Variants in JADE2 observed in about 807,000 individuals in gnomAD.
JADE2 encodes the protein E3 ubiquitin-protein ligase Jade-2.
A neutral mutation model predicts 85.7 loss-of-function variants in JADE2; 13 were observed. The ratio of observed to expected loss-of-function variants is 0.15; its 90% CI spans 0.10 to 0.24. The LOEUF (loss-of-function observed/expected upper bound fraction) is 0.24. JADE2 is among the 10% of genes least tolerant of loss of function. The pLI, the probability that JADE2 is intolerant of heterozygous loss-of-function variation, is 1.00. For missense variants in JADE2, 846 were observed against 1,115.9 expected, an observed-to-expected ratio of 0.76 and a Z score of 3.45; for synonymous variants, 440 against 456.1, an observed-to-expected ratio of 0.96 and a Z score of 0.45.
In JADE2 at chr5:134,525,994, G is replaced by A. The variant is rs1020415576; in HGVS notation, c.-18G>A. 2.8e-5 allele frequency: 28 copies of A among 985,480 alleles called. No homozygotes were observed. In the African/African-American group the frequency reaches 4.4e-4, roughly 15 times the overall value. The allele number at this position is 985,480 out of a possible 1,614,324, so 61.0% of individuals were successfully genotyped here. A position where few individuals can be genotyped will look rare whatever the true frequency, so the allele number is the denominator to read the frequency against. On this transcript the variant is annotated 5_prime_UTR_variant, in exon 1 of 12. Coordinates refer to ENST00000681547, the MANE Select transcript of JADE2 (RefSeq NM_001388185.1). ...GTAGCCGAGGGCAGCGCCCGTCAGG[G>A]GGGCACCGCGGAGCAAGGTAAGATC...
At chr5:134,524,757 T>G (rs1760703658), upstream of JADE2, among the ~76,000 whole-genome samples, 2 of 152,044 alleles carry the variant, frequency 1.3e-5, no homozygotes, top group Admixed American at 1.3e-4. Context: ...GGACCGCCCC[T>G]CTTTTCTTGA....
chr5:134,575,566 T>G (rs1764308798), intron 10 of JADE2: 1 of 152,082 alleles, frequency 6.6e-6, no homozygotes, highest in African/African-American at 2.4e-5. Context: ...GTGGGGAGCC[T>G]CAGGAGCCTG....
At chr5:134,577,006 T>C in intron 11 of JADE2, 110 bp downstream of exon 11, 2 of 1,305,904 alleles carry the variant, frequency 1.5e-6, no homozygotes, top group South Asian at 1.6e-5. Flanking sequence ...AGACTGAGGC[T>C]CAAGAGCGGT....
rs771406400 is a variant in JADE2 at position 134,552,005 on chromosome 5, GC to G, written c.154-44del. ...CTTCCTCTGGCCTGTGGGGCAGACT[GC>G]CCTGAGGCAGTCTGAAGTCACTCTT... On this transcript the variant is annotated intron_variant, in intron 3 of 11. Coordinates refer to ENST00000681547, the MANE Select transcript of JADE2 (RefSeq NM_001388185.1). 1.2e-3 allele frequency: 1,975 copies of G among 1,605,006 alleles called. 17 individuals carry two copies. In the African/African-American group the frequency reaches 0.02, roughly 16 times the overall value.
chr5:134,542,090 G>C (rs1761997636), intron 3 of JADE2, among the ~76,000 whole-genome samples: 1 of 152,258 alleles, frequency 6.6e-6, no homozygotes, highest in African/African-American at 2.4e-5. Context: ...AAAGCCTGAA[G>C]TCTGCCCTGG....
intron 3 of JADE2, among the ~76,000 whole-genome samples, chr5:134,543,283 G>A (rs1762088242): frequency 6.6e-6 from 1 of 151,220 alleles, no homozygotes; most frequent in Non-Finnish European, 1.5e-5. Context: ...GCCCACCTCG[G>A]CCTCCCAAAG....
upstream of JADE2, among the ~76,000 whole-genome samples, chr5:134,524,083 T>A (rs1024638068): frequency 6.6e-6 from 1 of 152,156 alleles, no homozygotes. Flanking sequence ...CAGCCGACCA[T>A]GAGGGGGAAG....
chr5:134,544,856 T>C (rs1762198048), intron 3 of JADE2, among the ~76,000 whole-genome samples: 1 of 152,020 alleles, frequency 6.6e-6, no homozygotes, highest in Non-Finnish European at 1.5e-5. Flanking sequence ...GCTTCTTAGC[T>C]CAACCCATGC....
At chr5:134,557,230 T>TA (rs796571698) in intron 4 of JADE2, among the ~76,000 whole-genome samples, 40 of 149,550 alleles carry the variant, frequency 2.7e-4, no homozygotes, top group Non-Finnish European at 5.2e-4. Context: ...TGATTATTAT[T>TA]TTTTTTGTTG....
intron 11 of JADE2, 137 bp downstream of exon 11, chr5:134,577,033 G>C (rs1764412218): frequency 1.1e-5 from 11 of 1,017,630 alleles, no homozygotes; most frequent in Non-Finnish European, 1.5e-5. Context: ...GCCCTTGCTT[G>C]CCCAGGTGCA....
chr5:134,553,050 G>T (rs192850751), intron 4 of JADE2, among the ~76,000 whole-genome samples: 1 of 133,002 alleles, frequency 7.5e-6, no homozygotes. Flanking sequence ...CTGGAGTGCA[G>T]TGGTGCAATC....
Position 134,566,083 on chromosome 5 carries a change from C to T in JADE2, c.970-33C>T. 6.3e-7 allele frequency: 1 copy of T among 1,578,756 alleles called. No individual in the cohort carries two copies. Among genetic ancestry groups the T allele is most frequent in the African/African-American group, 1.3e-5 (1 of 74,596 alleles). Reference sequence around the variant, plus strand: ...CTTCTCCCCTCCCACCAGGCTCCCTCCATGTCTGATCCTGCCCCTCCTTTC... The same window carrying T: ...CTTCTCCCCTCCCACCAGGCTCCCTTCATGTCTGATCCTGCCCCTCCTTTC... On this transcript the variant is annotated intron_variant, in intron 8 of 11. Coordinates refer to ENST00000681547, the MANE Select transcript of JADE2 (RefSeq NM_001388185.1). The surrounding 1 kb of genome is among the most constrained non-coding windows in gnomAD (Gnocchi z 6.7).
intron 4 of JADE2, among the ~76,000 whole-genome samples, chr5:134,559,256 A>G (rs1360337920): frequency 6.6e-6 from 1 of 152,070 alleles, no homozygotes; most frequent in East Asian, 1.9e-4. Context: ...CCTCAGTTCT[A>G]CTCAAGTCAA....
chr5:134,526,062 T>G (rs911008329), intron 1 of JADE2, 51 bp downstream of exon 1: 1 of 985,206 alleles, frequency 1.0e-6, no homozygotes, highest in Non-Finnish European at 1.2e-6. Context: ...ACGACGTTAT[T>G]TGGCGTTTTT....
chr5:134,545,795 A>G (rs2569340), intron 3 of JADE2, among the ~76,000 whole-genome samples: 124,733 of 152,212 alleles, frequency 0.82, 51,288 homozygotes, highest in East Asian at 0.96. Flanking sequence ...GTTAGCTGTC[A>G]TTTCTAATGA....
intron 3 of JADE2, among the ~76,000 whole-genome samples, chr5:134,543,065 C>A (rs1208821469): frequency 2.7e-5 from 4 of 150,390 alleles, no homozygotes; most frequent in Non-Finnish European, 5.9e-5. Context: ...GACGGAGTCT[C>A]ACCCTGTCGC....
chr5:134,570,291 C>T (rs1196367135), intron 9 of JADE2, among the ~76,000 whole-genome samples: 1 of 152,180 alleles, frequency 6.6e-6, no homozygotes, highest in Non-Finnish European at 1.5e-5. Flanking sequence ...CCAGCCGAGC[C>T]TCTCGGTCCA....
intron 4 of JADE2, among the ~76,000 whole-genome samples, chr5:134,557,234 TTTG>T (rs536474674): frequency 0.031 from 4,752 of 150,952 alleles, 113 homozygotes; most frequent in Non-Finnish European, 0.05. Flanking sequence ...TATTATTTTT[TTTG>T]TTGTTGTTGT....
rs1763655372 is a variant in JADE2 at position 134,566,562 on chromosome 5, G to C, written c.1416G>C (p.Leu472=). 6.4e-7 allele frequency: 1 copy of C among 1,564,356 alleles called. No individual in the cohort carries two copies. Among genetic ancestry groups the C allele is most frequent in the Non-Finnish European group, 8.7e-7 (1 of 1,154,124 alleles). ...LYRRLKLFTH[L]RQDLERVRNL... is the part of the protein sequence containing the mutation. The stretch of plus-strand genomic sequence containing the variant: ...GCCGCCTGAAGCTCTTCACCCATCT[G>C]CGGCAGGACCTAGAGAGGGTGAGTC... Residue 472 remains leucine (L), a synonymous_variant, in exon 9 of 12, where the codon CTG becomes CTC. Transcript: ENST00000681547. The surrounding 1 kb of genome is among the most constrained non-coding windows in gnomAD (Gnocchi z 6.7).
Sources: gnomAD v4.1 joint callset for allele counts (sites outside exome capture counted in the v4.1 genomes callset) on GRCh38, gnomAD v4.1.1 for gene constraint, Gnocchi (gnomAD v3.1) non-coding constraint, MANE v1.5 for transcripts, NCBI Gene and HGNC (gene_info 2026-07-23, HGNC 2026-07-21) for gene names.